The following SYNE4 variants were observed in gnomAD, a reference collection of about 807,000 sequenced individuals.
SYNE4 encodes the protein spectrin repeat containing nuclear envelope family member 4.
A neutral mutation model predicts 46.9 loss-of-function variants in SYNE4; 41 were observed. The ratio of observed to expected loss-of-function variants is 0.87; its 90% confidence interval spans 0.68 to 1.13. SYNE4 has a LOEUF of 1.13. Among genes scored for constraint, SYNE4 ranks in the 50% most tolerant of loss-of-function variants. The pLI is 0.00. For missense variants in SYNE4, 492 were observed against 514.8 expected (o/e 0.96, Z 0.43); for synonymous variants, 221 against 219.5 (o/e 1.01, Z -0.06).
At position 36,006,453 on chromosome 19, in the gene SYNE4, CCT is replaced by C. The variant is rs1335618547; in HGVS notation, c.835_836del (p.Arg279GlyfsTer10). On this transcript the variant is annotated frameshift_variant, in exon 5 of 8. Coordinates refer to ENST00000324444, the MANE Select transcript of SYNE4 (RefSeq NM_001039876.3). LOFTEE classifies it high-confidence loss of function. ...LGVPCELCGQ[R>X]GPQGRGQGLE... ...GGCCTTGTCCCCTGCCCTGGGGCCCCCTCTGGCCACACAGCTCACAGGGCACT... is the reference window on the plus strand; with the variant it reads ...GGCCTTGTCCCCTGCCCTGGGGCCCCCTGGCCACACAGCTCACAGGGCACT... The C allele has an allele frequency of 6.2e-7, 1 of 1,612,016 alleles. No individual in the cohort carries two copies. Among genetic ancestry groups the C allele is most frequent in the South Asian group, 1.1e-5 (1 of 90,852 alleles).
At position 36,008,230 on chromosome 19, in the gene SYNE4, C is replaced by A; in HGVS notation, c.266G>T (p.Gly89Val). The change falls in exon 2 of 8, where the codon GGC becomes GTC. Residue 89 changes from glycine to valine, a missense_variant. Coordinates refer to ENST00000324444, the MANE Select transcript of SYNE4 (RefSeq NM_001039876.3). ...ACCTCAGCTCACCTCACAGTGTTTG[C>A]CCCCAGCTGGGTCCTCGTAGGAAGA... ...TPSSYEDPAG[G>V]KHCEHPISGL... The A allele has an allele frequency of 1.2e-6, 2 of 1,610,718 alleles. No individual in the cohort carries two copies. The highest frequency in any genetic ancestry group is 1.3e-5 in the African/African-American group (1 of 74,884).
Position 36,003,645 on chromosome 19 carries a change from A to T in SYNE4, c.999T>A (p.His333Gln). Reference sequence around the variant, plus strand: ...TCCCCTCCAGCCTCACATCCTGGAGATGAGGAGATGCTTGCCTCTTCTTGT... The same window carrying T: ...TCCCCTCCAGCCTCACATCCTGGAGTTGAGGAGATGCTTGCCTCTTCTTGT... ...PQDKKRQASP[H>Q]LQDVRLEGNP... is the part of the protein sequence containing the mutation. The change falls in exon 7 of 8, where the codon CAT (histidine) becomes CAA (glutamine). Residue 333 changes from histidine to glutamine, a missense_variant. Physicochemically the swap from His to Gln is conservative, Grantham distance 24 (BLOSUM62 0). Transcript: ENST00000324444. 6.2e-7 allele frequency: 1 copy of T among 1,613,208 alleles called. No homozygotes were observed. Among genetic ancestry groups the T allele is most frequent in the Non-Finnish European group, 8.5e-7 (1 of 1,179,748 alleles).
Position 36,007,141 on chromosome 19 carries a change from C to T in SYNE4, c.407G>A (p.Gly136Glu), listed in dbSNP as rs1396321904. ...GLGHWALAQS[G>E]MVQLQALQVD... ...CCTGCCTACCTGCAGCTGCACCATCCCACTCTGGGCCAATGCCCAGTGCCC... is the reference window on the plus strand; with the variant it reads ...CCTGCCTACCTGCAGCTGCACCATCTCACTCTGGGCCAATGCCCAGTGCCC... Residue 136 changes from glycine (G) to glutamate (E), a missense_variant, in exon 3 of 8, where the codon GGG becomes GAG. Gly to Glu is a moderately conservative substitution (Grantham distance 98, BLOSUM62 -2). Transcript: ENST00000324444. 3 of 1,597,398 alleles carry T rather than the reference C, an allele frequency of 1.9e-6. No individual in the cohort carries two copies. The highest frequency in any genetic ancestry group is 1.1e-5 in the South Asian group (1 of 88,376).
chr19:36,006,783 C>T lies in SYNE4; in HGVS notation c.585G>A (p.Trp195Ter), dbSNP rs1976866736. The T allele has an allele frequency of 1.2e-6, 2 of 1,611,892 alleles. No homozygotes were observed. The highest frequency in any genetic ancestry group is 2.2e-5 in the South Asian group (2 of 90,764). ...AYRDSIFRRL[W>*]QLQAQLVSYS... is the part of the protein sequence containing the mutation. Reference sequence around the variant, plus strand: ...AGCTGACCAGCTGGGCCTGCAGCTGCCAGAGCCGCCGGAAGATGGAGTCTC... The same window carrying T: ...AGCTGACCAGCTGGGCCTGCAGCTGTCAGAGCCGCCGGAAGATGGAGTCTC... Residue 195 changes from tryptophan to a stop codon, truncating the protein, a stop_gained, in exon 4 of 8, where the codon TGG (tryptophan) becomes TGA (stop). Transcript: ENST00000324444. LOFTEE classifies it high-confidence loss of function.
chr19:36,008,792 A>G lies in SYNE4; in HGVS notation c.-111T>C. 6.9e-7 allele frequency: 1 copy of G among 1,452,382 alleles called. No individual in the cohort carries two copies. The highest frequency in any genetic ancestry group is 1.4e-5 in the African/African-American group (1 of 70,474). The allele number at this position is 1,452,382 out of a possible 1,614,324, so 90.0% of individuals were successfully genotyped here. A position where few individuals can be genotyped will look rare whatever the true frequency, so the allele number is the denominator to read the frequency against. On this transcript the variant is annotated 5_prime_UTR_variant, in exon 1 of 8. Transcript: ENST00000324444. The stretch of plus-strand genomic sequence containing the variant: ...TGGAGTCACCCGGGCCTGAGGCTGC[A>G]GGAGAGGCCCAGGACAGGTCTGGCT...
chr19:36,007,105 T>G lies in SYNE4; in HGVS notation c.423+20A>C. 6.3e-7 allele frequency: 1 copy of G among 1,591,490 alleles called. No individual in the cohort carries two copies. The highest frequency in any genetic ancestry group is 8.5e-7 in the Non-Finnish European group (1 of 1,169,640). On this transcript the variant is annotated intron_variant, in intron 3 of 7. Transcript: ENST00000324444. ...TGCTGGGGCCGTGCCCACCCCCACA[T>G]CCTGGCCTCTCCTGCCTACCTGCAG... is the stretch of plus-strand genomic sequence containing the variant.
chr19:36,007,111 C>T lies in SYNE4; in HGVS notation c.423+14G>A, dbSNP rs376680380. The T allele has an allele frequency of 2.0e-5, 32 of 1,593,768 alleles. No individual in the cohort carries two copies. The highest frequency in any genetic ancestry group is 2.6e-5 in the Non-Finnish European group (30 of 1,170,766). On this transcript the variant is annotated intron_variant, in intron 3 of 7. Coordinates refer to ENST00000324444, the MANE Select transcript of SYNE4 (RefSeq NM_001039876.3). Reference sequence around the variant, plus strand: ...GGCCGTGCCCACCCCCACATCCTGGCCTCTCCTGCCTACCTGCAGCTGCAC... The same window carrying T: ...GGCCGTGCCCACCCCCACATCCTGGTCTCTCCTGCCTACCTGCAGCTGCAC...
intron 5 of SYNE4, chr19:36,005,704 C>T (rs1976826185): frequency 2.5e-6 from 1 of 405,992 alleles, no homozygotes; most frequent in African/African-American, 2.0e-5. Flanking sequence ...TTATATTTGA[C>T]AGGAGAGAGA....
chr19:36,003,728 A>G (rs975129843), intron 6 of SYNE4, 57 bp from the exon 7 acceptor site: 16 of 1,571,520 alleles, frequency 1.0e-5, no homozygotes, highest in African/African-American at 2.7e-5. Context: ...TTATTTGTTT[A>G]TTTATTTTGA....
In SYNE4 at chr19:36,003,689, C is replaced by G. The variant is rs963795614; in HGVS notation, c.973-18G>C. The stretch of plus-strand genomic sequence containing the variant: ...TTCTTGTCCTAAGGAGGGAGAGCAG[C>G]CAGCAGCAGAATGGATAGAAATGAT... On this transcript the variant is annotated intron_variant, in intron 6 of 7. Transcript: ENST00000324444. The G allele has an allele frequency of 3.7e-6, 6 of 1,610,068 alleles. No homozygotes were observed. In the Admixed American group the frequency reaches 8.4e-5, roughly 23 times the overall value.
In SYNE4 at chr19:36,008,342, G is replaced by A. The variant is rs1344754822; in HGVS notation, c.154C>T (p.Gln52Ter). ...TGCTCAGGAGGGCCCAAGGAGTCCT[G>A]TCCCAGGGTCTGGGCCTGCTCTGGG... ...TSPEQAQTLG[Q>*]DSLGPPEHFQ... Residue 52 changes from glutamine to a stop codon, truncating the protein, a stop_gained, in exon 2 of 8, where the codon CAG becomes TAG. Coordinates refer to ENST00000324444, the MANE Select transcript of SYNE4 (RefSeq NM_001039876.3). LOFTEE classifies it high-confidence loss of function. 2.6e-6 allele frequency: 4 copies of A among 1,563,642 alleles called. No individual in the cohort carries two copies. Among genetic ancestry groups the A allele is most frequent in the Non-Finnish European group, 2.6e-6 (3 of 1,152,400 alleles).
At position 36,008,558 on chromosome 19, in the gene SYNE4, T is replaced by G; in HGVS notation, c.124A>C (p.Thr42Pro). The change falls in exon 1 of 8, where the codon ACG becomes CCG. Residue 42 changes from threonine (T) to proline (P), a missense_variant. Physicochemically the swap from Thr to Pro is conservative, Grantham distance 38 (BLOSUM62 -1). Transcript: ENST00000324444. ...TVCPASGEESTSPEQAQTLGQ... is the reference protein window; with the variant it reads ...TVCPASGEESPSPEQAQTLGQ... ...TTCCAAAGCCCCGGCCCCCACCTCG[T>G]GCTCTCCTCTCCGGACGCGGGGCAG... 1 of 1,613,748 alleles carries G rather than the reference T, an allele frequency of 6.2e-7. No homozygotes were observed. The highest frequency in any genetic ancestry group is 8.5e-7 in the Non-Finnish European group (1 of 1,179,910).
intron 5 of SYNE4, chr19:36,006,105 G>A (rs1028816598): frequency 1.2e-5 from 4 of 335,992 alleles, no homozygotes; most frequent in African/African-American, 4.2e-5. Context: ...TAAGAAGATA[G>A]GAGTGCTCAT....
chr19:36,004,265 C>G (rs905048309), intron 6 of SYNE4, among the ~76,000 whole-genome samples: 7 of 152,206 alleles, frequency 4.6e-5, no homozygotes, highest in Non-Finnish European at 1.5e-5. Flanking sequence ...TTAAGCAATC[C>G]TCCTGCCTTG....
At chr19:36,005,246 C>A in intron 6 of SYNE4, 87 bp downstream of exon 6, 1 of 1,341,210 alleles carries the variant, frequency 7.5e-7, no homozygotes, top group Non-Finnish European at 1.0e-6. Flanking sequence ...TAATAGCATT[C>A]CCTTTCTTGT....
intron 2 of SYNE4, among the ~76,000 whole-genome samples, chr19:36,007,758 G>A (rs903800747): frequency 4.6e-5 from 7 of 151,382 alleles, no homozygotes; most frequent in South Asian, 2.1e-4. Flanking sequence ...ACACGGTGAC[G>A]CACGCCTGTA....
In SYNE4 at chr19:36,008,214, C is replaced by T. The variant is rs1379610316; in HGVS notation, c.279+3G>A. On this transcript the variant is annotated splice_donor_region_variant and intron_variant, in intron 2 of 7. Transcript: ENST00000324444. ...ACAAGGGGTCTGGGTCACCTCAGCT[C>T]ACCTCACAGTGTTTGCCCCCAGCTG... 8.7e-6 allele frequency: 14 copies of T among 1,609,404 alleles called. No individual in the cohort carries two copies. Among genetic ancestry groups the T allele is most frequent in the African/African-American group, 1.3e-5 (1 of 74,744 alleles).
At chr19:36,008,078 CTT>C (rs1212855154) in intron 2 of SYNE4, 137 bp downstream of exon 2, 9 of 1,189,044 alleles carry the variant, frequency 7.6e-6, no homozygotes, top group Non-Finnish European at 7.8e-6. Flanking sequence ...TATTGAAACA[CTT>C]TTCCAGAAGG....
At position 36,006,709 on chromosome 19, in the gene SYNE4, T is replaced by C. The variant is rs529108993; in HGVS notation, c.619-38A>G. The C allele has an allele frequency of 1.8e-5, 28 of 1,589,336 alleles. No homozygotes were observed. In the East Asian group the frequency reaches 6.3e-4, roughly 36 times the overall value. On this transcript the variant is annotated intron_variant, in intron 4 of 7. Coordinates refer to ENST00000324444, the MANE Select transcript of SYNE4 (RefSeq NM_001039876.3). ...ACAGAGGTCATGGAGGCTATGAGGT[T>C]GGGGCCTGGGTTGGGTGGGGGGTAT...
Sources: allele counts gnomAD v4.1 joint callset (sites outside exome capture counted in the v4.1 genomes callset), GRCh38; gene constraint gnomAD v4.1.1; transcripts MANE v1.5; gene names NCBI Gene and HGNC (gene_info 2026-07-23, HGNC 2026-07-21).